The following TET1 variants were observed in gnomAD, a reference collection of about 807,000 sequenced individuals.
The protein encoded by TET1 is tet methylcytosine dioxygenase 1.
TET1 carries 13 observed loss-of-function variants against 148.7 expected under a neutral mutation model. The observed-to-expected ratio is 0.09, with a 90% confidence interval of 0.06 to 0.14. The LOEUF is 0.14. Among genes scored for constraint, TET1 ranks in the 10% least tolerant of loss-of-function variants. The pLI is 1.00. For synonymous variants in TET1, 907 were observed against 937.2 expected (o/e 0.97, Z 0.59); for missense variants, 2,182 against 2,553.8 (o/e 0.85, Z 3.14).
chr10:68,643,899 A>AT (rs1347104059), intron 3 of TET1, among the ~76,000 whole-genome samples: 1 of 151,306 alleles, frequency 6.6e-6, no homozygotes, highest in East Asian at 1.9e-4. Context: ...AAAGTAGTTT[A>AT]TTTTTTTATT....
intron 11 of TET1, among the ~76,000 whole-genome samples, chr10:68,690,334 G>A (rs1288732416): frequency 3.3e-5 from 5 of 152,266 alleles, no homozygotes; most frequent in Non-Finnish European, 5.9e-5. Flanking sequence ...ATGGCCGGGC[G>A]CAGTAGCTCA....
At chr10:68,611,718 T>G (rs886866403) in intron 3 of TET1, among the ~76,000 whole-genome samples, 1 of 151,110 alleles carries the variant, frequency 6.6e-6, no homozygotes, top group Admixed American at 6.7e-5. Context: ...CTTTTTTTTT[T>G]AGAGGGAGTC....
intron 8 of TET1, among the ~76,000 whole-genome samples, chr10:68,675,592 G>A (rs749394228): frequency 7.0e-6 from 1 of 143,422 alleles, no homozygotes; most frequent in Non-Finnish European, 1.5e-5. Context: ...TTGAGTCTGG[G>A]TCTCGCTCTG....
At chr10:68,596,245 T>G (rs1270315959) in intron 2 of TET1, among the ~76,000 whole-genome samples, 1 of 151,448 alleles carries the variant, frequency 6.6e-6, no homozygotes, top group Non-Finnish European at 1.5e-5. Flanking sequence ...TATTTACAAA[T>G]GTCTTTTGTT....
At chr10:68,662,825 C>G (rs1333797786) in intron 6 of TET1, among the ~76,000 whole-genome samples, 2 of 152,112 alleles carry the variant, frequency 1.3e-5, no homozygotes, top group Non-Finnish European at 2.9e-5. Flanking sequence ...ATCGAATGAG[C>G]CTGGAGAGCT....
chr10:68,604,553 G>T (rs532138719), intron 3 of TET1, among the ~76,000 whole-genome samples: 2 of 152,156 alleles, frequency 1.3e-5, no homozygotes, highest in African/African-American at 2.4e-5. Flanking sequence ...GGAGTCAAGT[G>T]GGGGGTGGGT....
At chr10:68,570,775 A>C (rs914032830) in intron 1 of TET1, among the ~76,000 whole-genome samples, 12 of 146,942 alleles carry the variant, frequency 8.2e-5, no homozygotes, top group Non-Finnish European at 1.8e-4. Flanking sequence ...GACTACGGGC[A>C]CCCGCCGCCA....
chr10:68,561,179 A>G (rs1371789096), intron 1 of TET1, among the ~76,000 whole-genome samples: 1 of 152,034 alleles, frequency 6.6e-6, no homozygotes, highest in East Asian at 1.9e-4. Flanking sequence ...AGGAGAGGCT[A>G]GAGTCTGTGC....
At position 68,687,274 on chromosome 10, in the gene TET1, G is replaced by C. The variant is rs193039798; in HGVS notation, c.5404+567G>C. Among the ~76,000 whole-genome samples, 58 of 151,992 alleles carry C rather than the reference G, an allele frequency of 3.8e-4. No homozygotes were observed. The East Asian group carries it at 0.01, about 26-fold the overall frequency. On this transcript the variant is annotated intron_variant, in intron 11 of 11. Coordinates refer to ENST00000373644, the MANE Select transcript of TET1 (RefSeq NM_030625.3). ...GGGAGGGGTCTCACTTTATTGCCCAGGCTGGCTTGGCACGCCTTGGCTTAA... is the reference window on the plus strand; with the variant it reads ...GGGAGGGGTCTCACTTTATTGCCCACGCTGGCTTGGCACGCCTTGGCTTAA...
At chr10:68,652,626 A>G (rs1233423570) in intron 6 of TET1, 32 bp downstream of exon 6, 5 of 1,464,762 alleles carry the variant, frequency 3.4e-6, no homozygotes, top group South Asian at 2.4e-5. Flanking sequence ...ATTTTTTTGA[A>G]GCTTGTTATT....
At chr10:68,605,264 G>A (rs2054107760) in intron 3 of TET1, among the ~76,000 whole-genome samples, 1 of 152,068 alleles carries the variant, frequency 6.6e-6, no homozygotes, top group African/African-American at 2.4e-5. Context: ...CCTGAGGTTG[G>A]GTGTTCGAGA....
Position 68,673,154 on chromosome 10 carries a change from G to C in TET1, c.4824+109G>C, listed in dbSNP as rs1209774383. 14 of 779,062 alleles carry C rather than the reference G, an allele frequency of 1.8e-5. No individual in the cohort carries two copies. The African/African-American group carries it at 2.0e-4, about 11-fold the overall frequency. 48.3% of individuals were successfully genotyped at this position (779,062 alleles called of 1,614,324 possible). A position where few individuals can be genotyped will look rare whatever the true frequency, so the allele number is the denominator to read the frequency against. ...CACTATAAAAACTAAATATTGAAAA[G>C]TAGTAATCAAATAGTAAAATTATAT... On this transcript the variant is annotated intron_variant, in intron 8 of 11. Coordinates refer to ENST00000373644, the MANE Select transcript of TET1 (RefSeq NM_030625.3).
chr10:68,686,286 G>A, intron 10 of TET1, 70 bp from the exon 11 acceptor site: 1 of 1,328,408 alleles, frequency 7.5e-7, no homozygotes, highest in Admixed American at 2.3e-5. Context: ...ACAACACGAA[G>A]GTAGGAATAG....
chr10:68,586,648 T>C (rs993262716), intron 2 of TET1, among the ~76,000 whole-genome samples: 4 of 152,032 alleles, frequency 2.6e-5, no homozygotes, highest in African/African-American at 9.7e-5. Context: ...TCAGTTTTTT[T>C]TTTTTTTTAA....
chr10:68,635,265 T>A (rs2054634323), intron 3 of TET1, among the ~76,000 whole-genome samples: 1 of 151,960 alleles, frequency 6.6e-6, no homozygotes, highest in Non-Finnish European at 1.5e-5. Context: ...GCATTTTTCC[T>A]TTAAATAAGT....
At chr10:68,576,308 G>A (rs958642574) in intron 2 of TET1, among the ~76,000 whole-genome samples, 4 of 150,614 alleles carry the variant, frequency 2.7e-5, no homozygotes, top group African/African-American at 7.3e-5. Context: ...TGGAGGTTGC[G>A]CCACTGCACT....
chr10:68,631,484 T>C (rs1320236295), intron 3 of TET1, among the ~76,000 whole-genome samples: 1 of 149,094 alleles, frequency 6.7e-6, no homozygotes, highest in Non-Finnish European at 1.5e-5. Context: ...GGTTTTGCCA[T>C]GTTAGACAGG....
intron 6 of TET1, among the ~76,000 whole-genome samples, chr10:68,661,196 A>ATTTT (rs974912892): frequency 2.7e-3 from 212 of 78,572 alleles, no homozygotes; most frequent in African/African-American, 5.7e-3. Context: ...CGCCTGGCTA[A>ATTTT]TTTTTTTTTT....
chr10:68,668,199 A>G (rs181180462), intron 7 of TET1, among the ~76,000 whole-genome samples: 1 of 152,016 alleles, frequency 6.6e-6, no homozygotes, highest in African/African-American at 2.4e-5. Context: ...ATTTGCAAAT[A>G]TTTTTCTCAG....
Sources: gnomAD v4.1 joint callset for allele counts (sites outside exome capture counted in the v4.1 genomes callset) on GRCh38, gnomAD v4.1.1 for gene constraint, MANE v1.5 for transcripts, NCBI Gene and HGNC (gene_info 2026-07-23, HGNC 2026-07-21) for gene names.